USP37: variants seen among roughly 807,000 people sequenced by gnomAD.
USP37 encodes ubiquitin specific peptidase 37.
USP37 carries 27 observed loss-of-function variants against 124.0 expected under a neutral mutation model. The observed-to-expected ratio is 0.22, with a 90% CI of 0.16 to 0.30. The LOEUF is 0.30. Among genes scored for constraint, USP37 ranks in the 10% least tolerant of loss-of-function variants. USP37 has a pLI of 1.00. For synonymous variants in USP37, 365 were observed against 388.0 expected (o/e 0.94, Z 0.70); for missense variants, 889 against 1,140.4 (o/e 0.78, Z 3.17).
At chr2:218,549,770 C>A in intron 6 of USP37, 39 bp downstream of exon 6, 1 of 1,590,278 alleles carries the variant, frequency 6.3e-7, no homozygotes, top group East Asian at 2.3e-5. Context: ...GGCCAACTAT[C>A]ATTTTTTTTA....
At chr2:218,476,774 G>C in intron 19 of USP37, 66 bp downstream of exon 19, 2 of 1,475,798 alleles carry the variant, frequency 1.4e-6, no homozygotes, top group Non-Finnish European at 1.8e-6. Context: ...GGTTATGAAA[G>C]ACATTTGTTT....
chr2:218,469,149 G>A lies in USP37; in HGVS notation c.2300-2973C>T, dbSNP rs972523825. Among the ~76,000 whole-genome samples the A allele has an allele frequency of 5.9e-5, 9 of 152,172 alleles. No homozygotes were observed. The East Asian group carries it at 1.7e-3, about 29-fold the overall frequency. On this transcript the variant is annotated intron_variant, in intron 20 of 25. Coordinates refer to ENST00000258399, the MANE Select transcript of USP37 (RefSeq NM_020935.3). The stretch of plus-strand genomic sequence containing the variant: ...GGAAAAGAGACTCAGAATTTATTTG[G>A]TGGAAAAATCCCAATTGTTCAGAAA...
At chr2:218,490,161 C>A (rs1257897996) in intron 14 of USP37, among the ~76,000 whole-genome samples, 1 of 152,110 alleles carries the variant, frequency 6.6e-6, no homozygotes, top group Non-Finnish European at 1.5e-5. Context: ...ACCATCCTGG[C>A]TAACACGGTG....
At chr2:218,567,717 G>C (rs1031953182) in intron 1 of USP37, among the ~76,000 whole-genome samples, 1 of 152,180 alleles carries the variant, frequency 6.6e-6, no homozygotes, top group African/African-American at 2.4e-5. Flanking sequence ...CTAACAACCT[G>C]ATCTGGCGGC....
At chr2:218,501,391 G>A (rs1257107704) in intron 11 of USP37, among the ~76,000 whole-genome samples, 4 of 152,072 alleles carry the variant, frequency 2.6e-5, no homozygotes, top group African/African-American at 9.7e-5. Flanking sequence ...ATATTCCTGT[G>A]TTGCCCATGG....
At chr2:218,497,893 A>AC (rs1414597935) in intron 12 of USP37, 36 bp from the exon 13 acceptor site, 2 of 1,605,654 alleles carry the variant, frequency 1.2e-6, no homozygotes, top group Non-Finnish European at 1.7e-6. Flanking sequence ...AGCACGTTTT[A>AC]CATGACATGG....
At chr2:218,528,120 C>T (rs906627576) in intron 10 of USP37, among the ~76,000 whole-genome samples, 13 of 152,004 alleles carry the variant, frequency 8.6e-5, no homozygotes, top group Non-Finnish European at 1.8e-4. Flanking sequence ...GCTAATCACT[C>T]GAACCCAGAA....
intron 16 of USP37, among the ~76,000 whole-genome samples, chr2:218,484,206 A>G (rs1294397867): frequency 6.6e-6 from 1 of 152,130 alleles, no homozygotes; most frequent in Non-Finnish European, 1.5e-5. Context: ...GGGTCTCACC[A>G]TGTTGCCCAG....
intron 4 of USP37, among the ~76,000 whole-genome samples, chr2:218,556,439 T>C (rs1383075571): frequency 1.3e-5 from 2 of 151,934 alleles, no homozygotes; most frequent in Non-Finnish European, 2.9e-5. Context: ...CTTTCTTGTG[T>C]TACCTCAGGA....
intron 8 of USP37, among the ~76,000 whole-genome samples, chr2:218,535,772 G>A (rs1371291682): frequency 2.6e-5 from 4 of 151,110 alleles, no homozygotes; most frequent in Non-Finnish European, 4.4e-5. Context: ...GGAGAATGGC[G>A]TGAACCCGGG....
At chr2:218,465,548 T>C (rs1212046382) in intron 21 of USP37, among the ~76,000 whole-genome samples, 1 of 152,176 alleles carries the variant, frequency 6.6e-6, no homozygotes, top group Non-Finnish European at 1.5e-5. Context: ...TACATTTTAT[T>C]GCATTTGGAT....
intron 13 of USP37, 150 bp downstream of exon 13, chr2:218,497,583 AG>A (rs1272112533): frequency 6.0e-5 from 53 of 883,528 alleles, no homozygotes; most frequent in Admixed American, 1.9e-4. Context: ...TAGTAGACAC[AG>A]GGTTTCGCCA....
intron 23 of USP37, 106 bp downstream of exon 23, chr2:218,459,684 G>T: frequency 1.2e-6 from 1 of 833,750 alleles, no homozygotes; most frequent in Non-Finnish European, 1.9e-6. Flanking sequence ...TACTGAAAGG[G>T]CCAAAATGAA....
At chr2:218,468,638 T>C (rs1469493900) in intron 20 of USP37, among the ~76,000 whole-genome samples, 1 of 152,238 alleles carries the variant, frequency 6.6e-6, no homozygotes, top group East Asian at 1.9e-4. Flanking sequence ...ATACTCATGC[T>C]ATACATACTG....
In USP37 at chr2:218,499,898, C is replaced by G. The variant is rs75688370; in HGVS notation, c.1026-1741G>C. Among the ~76,000 whole-genome samples, 1,322 of 152,114 alleles carry G rather than the reference C, an allele frequency of 8.7e-3. 11 individuals are homozygous for G. Among genetic ancestry groups the G allele is most frequent in the Middle Eastern group, 0.017 (5 of 294 alleles). ...CCGGGCTCGAGCAATCCTCCCACCT[C>G]AGCTTCCCCACTACAATGTGTGCCA... On this transcript the variant is annotated intron_variant, in intron 11 of 25. Transcript: ENST00000258399.
chr2:218,479,698 G>A lies in USP37; in HGVS notation c.1853C>T (p.Ala618Val). Residue 618 changes from alanine (A) to valine (V), a missense_variant, in exon 18 of 26, where the codon GCC becomes GTC. Ala to Val is a moderately conservative substitution (Grantham distance 64, BLOSUM62 0). This residue lies in a region of USP37 where 504 missense variants were observed against 714.3 expected (regional missense o/e 0.71). Coordinates refer to ENST00000258399, the MANE Select transcript of USP37 (RefSeq NM_020935.3). ...GATGCAGGAATTCACCATTTGAGAG[G>A]CTTTCAATGGTCTAGAACTATCAGA... ...AHMAISRPLK[A>V]SQMVNSCITS... 1 of 1,611,196 alleles carries A rather than the reference G, an allele frequency of 6.2e-7. No individual in the cohort carries two copies. The highest frequency in any genetic ancestry group is 8.5e-7 in the Non-Finnish European group (1 of 1,178,482).
intron 22 of USP37, among the ~76,000 whole-genome samples, chr2:218,461,934 A>C (rs540191894): frequency 6.6e-6 from 1 of 152,246 alleles, no homozygotes; most frequent in East Asian, 1.9e-4. Flanking sequence ...ACGCAGGTGG[A>C]TCACCTAAGG....
At position 218,466,363 on chromosome 2, in the gene USP37, T is replaced by C. The variant is rs191899393; in HGVS notation, c.2300-187A>G. ...AACCTAGAGCTATTGACATTTTGGGTGGGACAAGCTTTTGTTGGGGTGAGG... is the reference window on the plus strand; with the variant it reads ...AACCTAGAGCTATTGACATTTTGGGCGGGACAAGCTTTTGTTGGGGTGAGG... On this transcript the variant is annotated intron_variant, in intron 20 of 25. Coordinates refer to ENST00000258399, the MANE Select transcript of USP37 (RefSeq NM_020935.3). Among the ~76,000 whole-genome samples the C allele has an allele frequency of 2.0e-5, 3 of 152,252 alleles. No homozygotes were observed. In the East Asian group the frequency reaches 5.8e-4, roughly 29 times the overall value.
intron 5 of USP37, among the ~76,000 whole-genome samples, 159 bp from the exon 6 acceptor site, chr2:218,550,068 A>G (rs1692579506): frequency 6.6e-6 from 1 of 152,204 alleles, no homozygotes; most frequent in Non-Finnish European, 1.5e-5. Flanking sequence ...TCTTTCTGAC[A>G]GAATATACAT....
Sources: allele counts gnomAD v4.1 joint callset (sites outside exome capture counted in the v4.1 genomes callset), GRCh38; gene constraint gnomAD v4.1.1; regional missense constraint gnomAD v4.1.1; transcripts MANE v1.5; gene names NCBI Gene and HGNC (gene_info 2026-07-23, HGNC 2026-07-21).